MTCL2: variants seen among roughly 807,000 people sequenced by gnomAD.
MTCL2 encodes microtubule cross-linking factor 2.
the MTCL2 span, among the ~76,000 whole-genome samples, chr20:36,832,994 C>G: frequency 6.6e-6 from 1 of 152,276 alleles, no homozygotes; most frequent in Non-Finnish European, 1.5e-5. Flanking sequence ...CTGGAACATC[C>G]CCCGGGTGCT....
At chr20:36,822,403 T>G in the MTCL2 span, among the ~76,000 whole-genome samples, 1 of 152,246 alleles carries the variant, frequency 6.6e-6, no homozygotes, top group Non-Finnish European at 1.5e-5. Context: ...TGGCCTGGCA[T>G]GCAACAGGGG....
At chr20:36,847,245 C>G in the MTCL2 span, among the ~76,000 whole-genome samples, 1 of 152,178 alleles carries the variant, frequency 6.6e-6, no homozygotes, top group Non-Finnish European at 1.5e-5. Flanking sequence ...TGGGTCAGTG[C>G]GTCATAACTG....
At chr20:36,833,024 C>G in the MTCL2 span, among the ~76,000 whole-genome samples, 3 of 152,074 alleles carry the variant, frequency 2.0e-5, no homozygotes, top group Non-Finnish European at 4.4e-5. Flanking sequence ...CTTTTCATCC[C>G]GTTGGGAAGC....
the MTCL2 span, among the ~76,000 whole-genome samples, chr20:36,814,928 G>C: frequency 2.0e-5 from 3 of 152,132 alleles, no homozygotes; most frequent in Non-Finnish European, 4.4e-5. Flanking sequence ...GGGTGTGGTG[G>C]TGCTCACTTG....
At chr20:36,848,559 A>G in the MTCL2 span, among the ~76,000 whole-genome samples, 2 of 152,208 alleles carry the variant, frequency 1.3e-5, no homozygotes, top group African/African-American at 4.8e-5. Context: ...CCCCACTCCC[A>G]GTAAGGAAAG....
At chr20:36,786,399 C>T in the MTCL2 span, 3 of 1,432,222 alleles carry the variant, frequency 2.1e-6, no homozygotes, top group Non-Finnish European at 2.8e-6. Flanking sequence ...GGACACAGCC[C>T]CTCGCCTCAC....
chr20:36,825,671 G>C, the MTCL2 span, among the ~76,000 whole-genome samples: 1 of 152,230 alleles, frequency 6.6e-6, no homozygotes, highest in Admixed American at 6.5e-5. Flanking sequence ...TCGGCAGCCT[G>C]TCAGGATGGC....
the MTCL2 span, among the ~76,000 whole-genome samples, chr20:36,852,243 C>T: frequency 6.6e-6 from 1 of 152,060 alleles, no homozygotes; most frequent in East Asian, 1.9e-4. Flanking sequence ...TGGTCCCTCC[C>T]TCAGGCCGAG....
chr20:36,811,076 A>G, the MTCL2 span, among the ~76,000 whole-genome samples: 1 of 152,186 alleles, frequency 6.6e-6, no homozygotes, highest in African/African-American at 2.4e-5. Flanking sequence ...TCTGTGAGAA[A>G]GTAAACATTC....
the MTCL2 span, among the ~76,000 whole-genome samples, chr20:36,849,751 C>CG: frequency 6.6e-6 from 1 of 152,138 alleles, no homozygotes; most frequent in Non-Finnish European, 1.5e-5. Flanking sequence ...CTGAGGACAG[C>CG]GGGGGGAAGT....
At chr20:36,857,132 G>A in the MTCL2 span, among the ~76,000 whole-genome samples, 2 of 152,198 alleles carry the variant, frequency 1.3e-5, no homozygotes, top group South Asian at 4.1e-4. Context: ...TTCTGTGGAT[G>A]CTAGTGTGTG....
At chr20:36,786,806 A>G in the MTCL2 span, among the ~76,000 whole-genome samples, 1 of 152,084 alleles carries the variant, frequency 6.6e-6, no homozygotes, top group Non-Finnish European at 1.5e-5. Flanking sequence ...TTCTTCTCCC[A>G]TTAGAGCGGT....
the MTCL2 span, among the ~76,000 whole-genome samples, chr20:36,817,899 C>T: frequency 2.0e-5 from 3 of 152,224 alleles, no homozygotes; most frequent in Non-Finnish European, 2.9e-5. Context: ...CCAGATTCCC[C>T]TTCGGAACTG....
At chr20:36,853,462 T>C in the MTCL2 span, among the ~76,000 whole-genome samples, 1 of 152,136 alleles carries the variant, frequency 6.6e-6, no homozygotes, top group Non-Finnish European at 1.5e-5. Flanking sequence ...ACGATAACAA[T>C]AGCTAACATT....
chr20:36,823,663 C>T, the MTCL2 span, among the ~76,000 whole-genome samples: 5 of 152,060 alleles, frequency 3.3e-5, no homozygotes, highest in Non-Finnish European at 5.9e-5. Context: ...ACGAAATTAG[C>T]CAGGTGTGGT....
chr20:36,804,624 C>A, the MTCL2 span: 7 of 1,412,790 alleles, frequency 5.0e-6, no homozygotes, highest in African/African-American at 5.6e-5. Context: ...GGTGAAGCAA[C>A]GGCATTCTTA....
chr20:36,816,269 T>C, the MTCL2 span: 1 of 1,603,198 alleles, frequency 6.2e-7, no homozygotes, highest in Non-Finnish European at 8.5e-7. Context: ...ACTCCTCCTT[T>C]GCAAAGTGCA....
the MTCL2 span, chr20:36,783,828 A>C: frequency 1.9e-5 from 19 of 985,272 alleles, no homozygotes; most frequent in South Asian, 4.7e-5. Flanking sequence ...CACCCCAAAA[A>C]AGAAAACAAC....
chr20:36,814,056 G>GATCT, the MTCL2 span, among the ~76,000 whole-genome samples: 4 of 152,044 alleles, frequency 2.6e-5, no homozygotes, highest in African/African-American at 9.7e-5. Flanking sequence ...CTCAGCATAG[G>GATCT]GTCTAGGTCA....
Sources: gnomAD v4.1 joint callset for allele counts (sites outside exome capture counted in the v4.1 genomes callset) on GRCh38, gnomAD v4.1.1 for gene constraint, MANE v1.5 for transcripts, NCBI Gene and HGNC (gene_info 2026-07-23, HGNC 2026-07-21) for gene names.